Variants in LRRC1 observed in about 807,000 individuals in gnomAD.
LRRC1 encodes leucine-rich repeat-containing protein 1.
In LRRC1, 28 loss-of-function variants were observed where a neutral mutation model predicts 69.9. The ratio of observed to expected loss-of-function variants is 0.40; its 90% confidence interval spans 0.30 to 0.55. LRRC1 has a LOEUF of 0.55. Ranked by LOEUF, LRRC1 falls within the 20% of genes least tolerant of loss-of-function variation. The pLI is 0.47. For missense variants in LRRC1, 498 were observed against 609.0 expected (o/e 0.82, Z 1.92); for synonymous variants, 236 against 240.2 (o/e 0.98, Z 0.16).
chr6:53,847,706 T>A (rs1278067988), intron 2 of LRRC1, among the ~76,000 whole-genome samples: 1 of 152,202 alleles, frequency 6.6e-6, no homozygotes, highest in Admixed American at 6.5e-5. Context: ...AACCACGAGA[T>A]GCTGATCAAT....
chr6:53,821,715 T>C (rs925716895), intron 1 of LRRC1, among the ~76,000 whole-genome samples: 5 of 152,236 alleles, frequency 3.3e-5, no homozygotes, highest in African/African-American at 1.2e-4. Context: ...TATTGTTCTC[T>C]GTTAGCCTTT....
chr6:53,842,078 T>G, intron 1 of LRRC1, 32 bp from the exon 2 acceptor site: 1 of 1,360,260 alleles, frequency 7.4e-7, no homozygotes, highest in Non-Finnish European at 1.0e-6. Flanking sequence ...CAAACATATG[T>G]GAAATCTATG....
intron 2 of LRRC1, among the ~76,000 whole-genome samples, chr6:53,854,781 A>C (rs1258163885): frequency 6.6e-6 from 1 of 152,214 alleles, no homozygotes; most frequent in African/African-American, 2.4e-5. Flanking sequence ...TCTGTTTTAT[A>C]AAATTGGGAT....
intron 1 of LRRC1, among the ~76,000 whole-genome samples, chr6:53,806,067 T>C (rs555699316): frequency 2.2e-4 from 33 of 152,348 alleles, no homozygotes; most frequent in Non-Finnish European, 1.5e-5. Flanking sequence ...CTTCTTTGCC[T>C]GTCTCACTGC....
At chr6:53,870,828 C>T (rs1193686063) in intron 2 of LRRC1, among the ~76,000 whole-genome samples, 1 of 152,138 alleles carries the variant, frequency 6.6e-6, no homozygotes, top group Non-Finnish European at 1.5e-5. Flanking sequence ...AATCACTATT[C>T]AACTTGCTAC....
intron 1 of LRRC1, among the ~76,000 whole-genome samples, chr6:53,808,988 C>G (rs899082068): frequency 6.6e-6 from 1 of 152,154 alleles, no homozygotes; most frequent in African/African-American, 2.4e-5. Flanking sequence ...GCTGGATTTC[C>G]TACTTTCAGG....
chr6:53,884,276 G>T lies in LRRC1; in HGVS notation c.446+1300G>T, dbSNP rs4265034. The T allele has an allele frequency of 6.2e-3, 2,405 of 387,788 alleles. 15 individuals are homozygous for T. The highest frequency in any genetic ancestry group is 0.011 in the Middle Eastern group (14 of 1,322). 24.0% of individuals were successfully genotyped at this position (387,788 alleles called of 1,614,324 possible). On this transcript the variant is annotated intron_variant, in intron 4 of 13. Transcript: ENST00000370888. ...TGCCAGCCTTTTGGGAGGCTGAGGTGGGAGGATTCCTTGAGCCCAGGAGTT... is the reference window on the plus strand; with the variant it reads ...TGCCAGCCTTTTGGGAGGCTGAGGTTGGAGGATTCCTTGAGCCCAGGAGTT...
intron 1 of LRRC1, among the ~76,000 whole-genome samples, chr6:53,813,752 A>G (rs1244364143): frequency 2.0e-5 from 3 of 152,050 alleles, no homozygotes; most frequent in Non-Finnish European, 1.5e-5. Context: ...GGACTGTGGC[A>G]GGGGGTGAAG....
At chr6:53,839,034 G>A (rs1765689903) in intron 1 of LRRC1, among the ~76,000 whole-genome samples, 1 of 151,686 alleles carries the variant, frequency 6.6e-6, no homozygotes, top group African/African-American at 2.4e-5. Context: ...ATATTTGCAT[G>A]GTAAATCTTT....
At chr6:53,856,837 A>C (rs1766324333) in intron 2 of LRRC1, among the ~76,000 whole-genome samples, 1 of 152,162 alleles carries the variant, frequency 6.6e-6, no homozygotes. Context: ...GAGGCCAGGC[A>C]TCTATGTCAG....
chr6:53,873,240 T>G (rs1173879097), intron 2 of LRRC1, among the ~76,000 whole-genome samples: 3 of 152,024 alleles, frequency 2.0e-5, no homozygotes, highest in African/African-American at 7.2e-5. Context: ...TTTAAAAATT[T>G]CTTTTTTAGG....
chr6:53,837,399 A>G (rs910366217), intron 1 of LRRC1, among the ~76,000 whole-genome samples: 1 of 152,104 alleles, frequency 6.6e-6, no homozygotes, highest in Non-Finnish European at 1.5e-5. Context: ...TTGACCAAAA[A>G]GGCAGTCTAG....
chr6:53,922,695 G>A lies in LRRC1; in HGVS notation c.1477G>A (p.Val493Met). 4 of 1,614,172 alleles carry A rather than the reference G, an allele frequency of 2.5e-6. No homozygotes were observed. Among genetic ancestry groups the A allele is most frequent in the Non-Finnish European group, 3.4e-6 (4 of 1,179,990 alleles). ...PGELKHMKKT[V>M]ENLRNDMNAA... Reference sequence around the variant, plus strand: ...GGAGTTAAAGCACATGAAAAAGACAGTGGAGAATTTACGGAATGACATGAA... The same window carrying A: ...GGAGTTAAAGCACATGAAAAAGACAATGGAGAATTTACGGAATGACATGAA... The change falls in exon 14 of 14, where the codon GTG (valine) becomes ATG (methionine). Residue 493 changes from valine to methionine, a missense_variant. By Grantham distance (21) the Val-to-Met change is conservative. Coordinates refer to ENST00000370888, the MANE Select transcript of LRRC1 (RefSeq NM_018214.5).
chr6:53,830,059 C>G (rs561474793), intron 1 of LRRC1, among the ~76,000 whole-genome samples: 1 of 152,310 alleles, frequency 6.6e-6, no homozygotes, highest in South Asian at 2.1e-4. Flanking sequence ...ATTTTAAGAG[C>G]TGAGCTGCAA....
intron 4 of LRRC1, among the ~76,000 whole-genome samples, chr6:53,892,004 A>ATG (rs1208649009): frequency 2.4e-5 from 3 of 127,110 alleles, no homozygotes; most frequent in South Asian, 2.9e-4. Flanking sequence ...AAAAAAATAT[A>ATG]TATATATACA....
chr6:53,903,537 T>C (rs970427913), intron 9 of LRRC1, among the ~76,000 whole-genome samples: 1 of 150,342 alleles, frequency 6.7e-6, no homozygotes, highest in East Asian at 1.9e-4. Flanking sequence ...CATTTTGTCA[T>C]TTTTTTTTTA....
chr6:53,867,072 G>T (rs1318250504), intron 2 of LRRC1, among the ~76,000 whole-genome samples: 1 of 152,056 alleles, frequency 6.6e-6, no homozygotes, highest in Non-Finnish European at 1.5e-5. Context: ...AGATGGCATA[G>T]GGCCAAATCC....
chr6:53,875,964 A>G (rs1767054613), intron 2 of LRRC1, among the ~76,000 whole-genome samples: 2 of 152,222 alleles, frequency 1.3e-5, no homozygotes, highest in South Asian at 2.1e-4. Flanking sequence ...TTACAGTGCT[A>G]TACAACAGCA....
chr6:53,860,429 T>C (rs1766457626), intron 2 of LRRC1, among the ~76,000 whole-genome samples: 3 of 152,262 alleles, frequency 2.0e-5, no homozygotes, highest in East Asian at 1.9e-4. Context: ...TGACAACTTA[T>C]AATTTTTAAG....
Sources: allele counts gnomAD v4.1 joint callset (sites outside exome capture counted in the v4.1 genomes callset), GRCh38; gene constraint gnomAD v4.1.1; transcripts MANE v1.5; gene names NCBI Gene and HGNC (gene_info 2026-07-23, HGNC 2026-07-21).